Variants in SYNE1 observed in about 807,000 individuals in gnomAD.
SYNE1 encodes the protein spectrin repeat containing nuclear envelope protein 1.
Under a neutral mutation model 1,111.0 loss-of-function variants are expected in SYNE1, and 616 were observed. That is an observed-to-expected ratio of 0.55 (90% CI 0.52 to 0.59). The LOEUF is 0.59. Ranked by LOEUF, SYNE1 falls within the 20% of genes least tolerant of loss-of-function variation. SYNE1 has a pLI of 0.00. For missense variants in SYNE1, 10,006 were observed against 10,417.0 expected (o/e 0.96, Z 1.72); for synonymous variants, 3,855 against 3,825.8 (o/e 1.01, Z -0.28).
At position 152,605,011 on chromosome 6, in the gene SYNE1, AGAGAGAGAGAGAG is replaced by A. The variant is rs2099609264; in HGVS notation, c.67+23241_67+23253del. Among the ~76,000 whole-genome samples the A allele has an allele frequency of 1.4e-4, 6 of 42,980 alleles. 1 individual carries two copies. The highest frequency in any genetic ancestry group is 7.6e-4 in the African/African-American group (6 of 7,870). The allele number at this position is 42,980 out of a possible 152,430, so 28.2% of individuals were successfully genotyped here. A position where few individuals can be genotyped will look rare whatever the true frequency, so the allele number is the denominator to read the frequency against. ...AAGAAAGAAAGAAAGAAAGAAAGAG[AGAGAGAGAGAGAG>A]AGAGAGAGAGAGGGAGGGAGGGAGG... On this transcript the variant is annotated intron_variant, in intron 3 of 145. Transcript: ENST00000367255.
At chr6:152,407,233 G>T (rs751926351) in intron 44 of SYNE1, 37 bp from the exon 45 acceptor site, 2 of 1,602,962 alleles carry the variant, frequency 1.2e-6, no homozygotes, top group East Asian at 2.2e-5. Flanking sequence ...TTCATAGTCA[G>T]AGGCGTAAGA....
chr6:152,210,611 A>ATT (rs2077353781), intron 124 of SYNE1, among the ~76,000 whole-genome samples: 2 of 152,152 alleles, frequency 1.3e-5, no homozygotes, highest in South Asian at 4.1e-4. Flanking sequence ...AAAATAATTT[A>ATT]TTTTTTATTT....
intron 51 of SYNE1, among the ~76,000 whole-genome samples, 176 bp downstream of exon 51, chr6:152,395,340 A>C (rs1046711992): frequency 6.6e-6 from 1 of 152,174 alleles, no homozygotes; most frequent in African/African-American, 2.4e-5. Flanking sequence ...TCTCACCAGA[A>C]TACTGCACTG....
At chr6:152,302,574 GT>G (rs1336010140) in intron 91 of SYNE1, among the ~76,000 whole-genome samples, 1 of 152,184 alleles carries the variant, frequency 6.6e-6, no homozygotes, top group African/African-American at 2.4e-5. Flanking sequence ...TCAATAGCCT[GT>G]CTGTTCCTAT....
At chr6:152,290,272 GAC>G (rs940821965) in intron 95 of SYNE1, among the ~76,000 whole-genome samples, 5 of 152,052 alleles carry the variant, frequency 3.3e-5, no homozygotes, top group Non-Finnish European at 7.4e-5. Context: ...AAATCTGTAA[GAC>G]AGCCAAGCAT....
chr6:152,442,353 GTATTT>G, intron 30 of SYNE1, 108 bp from the exon 31 acceptor site: 1 of 1,304,910 alleles, frequency 7.7e-7, no homozygotes, highest in Non-Finnish European at 1.1e-6. Flanking sequence ...GGCCCGAAAT[GTATTT>G]TAAAGCTAAG....
chr6:152,563,711 A>G (rs1446214770), intron 3 of SYNE1, among the ~76,000 whole-genome samples: 1 of 152,204 alleles, frequency 6.6e-6, no homozygotes, highest in Non-Finnish European at 1.5e-5. Context: ...TACTTTTGAA[A>G]TTTAATTCTA....
intron 130 of SYNE1, among the ~76,000 whole-genome samples, chr6:152,175,332 T>C (rs2066156525): frequency 6.6e-6 from 1 of 152,258 alleles, no homozygotes; most frequent in African/African-American, 2.4e-5. Flanking sequence ...ATATATCCAA[T>C]GTTTTCAAAA....
rs761732595 is a variant in SYNE1 at position 152,262,033 on chromosome 6, A to G, written c.18971T>C (p.Val6324Ala). Reference sequence around the variant, plus strand: ...TATATAATGTAAAATATTTGATACCACTTGCTCTTGTTCCTGTTCCAGAAC... The same window carrying G: ...TATATAATGTAAAATATTTGATACCGCTTGCTCTTGTTCCTGTTCCAGAAC... The part of the protein sequence containing the change: ...QNVLEQEQEQ[V>A]LYSRPNRLLS... Residue 6324 changes from valine (V) to alanine (A), a missense_variant and splice_region_variant, in exon 101 of 146, where the codon GTG becomes GCG. Around this residue, in one of 7 missense-constraint regions of SYNE1, gnomAD observed 2,182 missense variants for 2,287.8 expected, o/e 0.95. Transcript: ENST00000367255. 6.2e-7 allele frequency: 1 copy of G among 1,612,190 alleles called. No homozygotes were observed. Among genetic ancestry groups the G allele is most frequent in the African/African-American group, 1.3e-5 (1 of 74,986 alleles).
intron 95 of SYNE1, among the ~76,000 whole-genome samples, chr6:152,284,384 A>C (rs946195388): frequency 6.6e-5 from 10 of 152,206 alleles, no homozygotes; most frequent in Admixed American, 2.6e-4. Context: ...AACCAAAGTG[A>C]GTTTGAACAA....
At chr6:152,167,987 A>G in intron 130 of SYNE1, 1 of 778,636 alleles carries the variant, frequency 1.3e-6, no homozygotes. Flanking sequence ...GCTATCTCCC[A>G]ACACCAATCC....
chr6:152,205,335 T>C (rs1428590626), intron 126 of SYNE1, among the ~76,000 whole-genome samples: 1 of 152,192 alleles, frequency 6.6e-6, no homozygotes, highest in Non-Finnish European at 1.5e-5. Flanking sequence ...ATCACTATCA[T>C]TCATTTAGCG....
intron 98 of SYNE1, among the ~76,000 whole-genome samples, chr6:152,277,203 T>A (rs903519949): frequency 2.0e-5 from 3 of 149,266 alleles, no homozygotes; most frequent in Non-Finnish European, 4.5e-5. Context: ...GTACTTTTTA[T>A]CCTATCCGTT....
chr6:152,394,209 C>A (rs2097694797), intron 51 of SYNE1, among the ~76,000 whole-genome samples: 1 of 152,174 alleles, frequency 6.6e-6, no homozygotes, highest in Admixed American at 6.5e-5. Flanking sequence ...GCCACATTTT[C>A]TTTATCCAGT....
intron 136 of SYNE1, among the ~76,000 whole-genome samples, chr6:152,149,214 A>C (rs1050039861): frequency 6.6e-6 from 1 of 152,198 alleles, no homozygotes; most frequent in African/African-American, 2.4e-5. Context: ...TGTATACATT[A>C]ACTCATCTAA....
chr6:152,537,320 C>G (rs567631739), intron 4 of SYNE1, among the ~76,000 whole-genome samples: 1 of 151,858 alleles, frequency 6.6e-6, no homozygotes, highest in Non-Finnish European at 1.5e-5. Flanking sequence ...GATATTTATA[C>G]CCACAAGTTT....
chr6:152,397,183 A>G (rs997142347), intron 49 of SYNE1, among the ~76,000 whole-genome samples: 1 of 152,206 alleles, frequency 6.6e-6, no homozygotes, highest in Admixed American at 6.5e-5. Flanking sequence ...CTGAGGACAA[A>G]GTGTAAACAA....
At chr6:152,471,554 C>T in intron 16 of SYNE1, 43 bp downstream of exon 16, 1 of 1,594,054 alleles carries the variant, frequency 6.3e-7, no homozygotes, top group Non-Finnish European at 8.6e-7. Flanking sequence ...GTTGCTAAAT[C>T]CATGGCTCAT....
intron 114 of SYNE1, 127 bp from the exon 115 acceptor site, chr6:152,230,829 A>G (rs944528979): frequency 4.3e-5 from 49 of 1,126,854 alleles, no homozygotes; most frequent in Non-Finnish European, 6.0e-5. Flanking sequence ...CATCGTATAT[A>G]TGATTTAAAA....
Sources: allele counts gnomAD v4.1 joint callset (sites outside exome capture counted in the v4.1 genomes callset), GRCh38; gene constraint gnomAD v4.1.1; regional missense constraint gnomAD v4.1.1; transcripts MANE v1.5; gene names NCBI Gene and HGNC (gene_info 2026-07-23, HGNC 2026-07-21).